JAKMIP1: variants seen among roughly 807,000 people sequenced by gnomAD.
JAKMIP1 encodes janus kinase and microtubule-interacting protein 1.
Under a neutral mutation model 113.0 loss-of-function variants are expected in JAKMIP1, and 33 were observed. The observed-to-expected ratio is 0.29, with a 90% CI of 0.22 to 0.39. JAKMIP1 has a LOEUF of 0.39. Ranked by LOEUF, JAKMIP1 falls within the 10% of genes least tolerant of loss-of-function variation. The pLI is 1.00. For synonymous variants in JAKMIP1, 480 were observed against 459.9 expected, an observed-to-expected ratio of 1.04 and a Z score of -0.56; for missense variants, 813 against 1,080.5, an observed-to-expected ratio of 0.75 and a Z score of 3.47.
intron 2 of JAKMIP1, among the ~76,000 whole-genome samples, chr4:6,111,118 G>C (rs1321932688): frequency 6.6e-6 from 1 of 151,822 alleles, no homozygotes; most frequent in Non-Finnish European, 1.5e-5. Context: ...ATCCTGAGCT[G>C]GGGTTGCAGC....
intron 1 of JAKMIP1, among the ~76,000 whole-genome samples, chr4:6,131,333 G>T (rs1320736818): frequency 6.8e-6 from 1 of 146,730 alleles, no homozygotes; most frequent in African/African-American, 2.6e-5. Context: ...CACAGATCCA[G>T]GAAGCTCAGA....
Position 6,108,130 on chromosome 4 carries a change from CAGAG to C in JAKMIP1, c.130-2167_130-2164del, listed in dbSNP as rs1030282852. 3.3e-5 allele frequency among the ~76,000 whole-genome samples: 5 copies of C among 152,074 alleles called. No individual in the cohort carries two copies. The highest frequency in any genetic ancestry group is 5.9e-5 in the Non-Finnish European group (4 of 68,002). On this transcript the variant is annotated intron_variant, in intron 2 of 20. Transcript: ENST00000409021. The surrounding 1 kb of genome is among the most constrained non-coding windows in gnomAD (Gnocchi z 5.6). ...CAGGTGTGTAGGGCAGGGATGGTGA[CAGAG>C]AGGCAGGGGCCTGGGGACAGGGCCC... is the stretch of plus-strand genomic sequence containing the variant.
chr4:6,172,557 G>A (rs533419133), intron 1 of JAKMIP1, among the ~76,000 whole-genome samples: 22 of 151,954 alleles, frequency 1.4e-4, no homozygotes, highest in South Asian at 8.3e-4. Flanking sequence ...GGTAGCTCAC[G>A]GCCATCTCAT....
chr4:6,056,859 T>C lies in JAKMIP1; in HGVS notation c.1645-100A>G, dbSNP rs189019554. On this transcript the variant is annotated intron_variant, in intron 11 of 20. Transcript: ENST00000409021. ...AGGTCACTTTCTATGAAACTGACCA[T>C]GGAAAGGTCATAAAAAATGACAGCC... The C allele has an allele frequency of 5.6e-5, 47 of 833,766 alleles. No individual in the cohort carries two copies. In the Middle Eastern group the frequency reaches 6.6e-4, roughly 12 times the overall value. The allele number at this position is 833,766 out of a possible 1,614,324, so 51.6% of individuals were successfully genotyped here. A position where few individuals can be genotyped will look rare whatever the true frequency, so the allele number is the denominator to read the frequency against.
At chr4:6,091,674 C>T (rs1021332421) in intron 3 of JAKMIP1, among the ~76,000 whole-genome samples, 1 of 152,182 alleles carries the variant, frequency 6.6e-6, no homozygotes, top group African/African-American at 2.4e-5. Context: ...AACCCATGAA[C>T]ATACGTGATT....
At chr4:6,100,352 C>A (rs982203281) in intron 3 of JAKMIP1, among the ~76,000 whole-genome samples, 1 of 152,176 alleles carries the variant, frequency 6.6e-6, no homozygotes, top group Non-Finnish European at 1.5e-5. Flanking sequence ...TTGTGTCTAG[C>A]TTCTATCATT....
chr4:6,199,165 T>C lies in JAKMIP1; in HGVS notation c.-148+1088A>G, dbSNP rs749602327. ...TGGCAAAGGCCAAGGACAGTGTGCC[T>C]GCGAGTGTGCGCAGATGGGGCGGGC... On this transcript the variant is annotated intron_variant, in intron 1 of 20. Transcript: ENST00000409021. This position sits in a 1 kb window ranked among gnomAD's most constrained non-coding sequence, Gnocchi z 5.6. Among the ~76,000 whole-genome samples, 37 of 152,236 alleles carry C rather than the reference T, an allele frequency of 2.4e-4. No individual in the cohort carries two copies. The highest frequency in any genetic ancestry group is 3.7e-4 in the Non-Finnish European group (25 of 68,024).
At position 6,081,982 on chromosome 4, in the gene JAKMIP1, G is replaced by C. The variant is rs1023318276; in HGVS notation, c.955-227C>G. Among the ~76,000 whole-genome samples the C allele has an allele frequency of 2.0e-5, 3 of 152,184 alleles. No individual in the cohort carries two copies. The highest frequency in any genetic ancestry group is 7.2e-5 in the African/African-American group (3 of 41,450). On this transcript the variant is annotated intron_variant, in intron 5 of 20. Transcript: ENST00000409021. The surrounding 1 kb of genome is among the most constrained non-coding windows in gnomAD (Gnocchi z 4.6). ...AGCTCCTGTCTCCTAGGCACATGGT[G>C]AGAATTGAATGCATAGTGGTAGTCT...
At chr4:6,177,708 C>T (rs1380559095) in intron 1 of JAKMIP1, among the ~76,000 whole-genome samples, 1 of 152,192 alleles carries the variant, frequency 6.6e-6, no homozygotes, top group Non-Finnish European at 1.5e-5. Context: ...CATAGCCATA[C>T]TAATAATGGC....
At chr4:6,174,643 T>C (rs1300909507) in intron 1 of JAKMIP1, among the ~76,000 whole-genome samples, 3 of 152,112 alleles carry the variant, frequency 2.0e-5, no homozygotes, top group Non-Finnish European at 4.4e-5. Flanking sequence ...TCCCCATCTC[T>C]AGAGCCTTAA....
At chr4:6,127,798 C>G (rs951515575) in intron 1 of JAKMIP1, among the ~76,000 whole-genome samples, 7 of 152,240 alleles carry the variant, frequency 4.6e-5, no homozygotes, top group African/African-American at 1.7e-4. Flanking sequence ...CCCTTGGCAG[C>G]TCTCACTTCA....
chr4:6,051,932 G>A lies in JAKMIP1; in HGVS notation c.1807-1253C>T, dbSNP rs6849458. ...AAATCAAACTGCTTTAGTTTGAGCAGAGTTACGGTAAGGTAAAAAATAACA... is the reference window on the plus strand; with the variant it reads ...AAATCAAACTGCTTTAGTTTGAGCAAAGTTACGGTAAGGTAAAAAATAACA... On this transcript the variant is annotated intron_variant, in intron 13 of 20. Coordinates refer to ENST00000409021, the MANE Select transcript of JAKMIP1 (RefSeq NM_001099433.2). This position sits in a 1 kb window ranked among gnomAD's most constrained non-coding sequence, Gnocchi z 5.0. Among the ~76,000 whole-genome samples the A allele has an allele frequency of 0.2, 30,033 of 152,116 alleles. 4,953 individuals carry two copies. Among genetic ancestry groups the A allele is most frequent in the African/African-American group, 0.45 (18,754 of 41,438 alleles).
chr4:6,060,428 C>T lies in JAKMIP1; in HGVS notation c.1640G>A (p.Gly547Glu). Reference sequence around the variant, plus strand: ...GCACAGATCACTCCTGCTCACCTGTCCCTTCTCAACCAGTAACTTCTCCAA... The same window carrying T: ...GCACAGATCACTCCTGCTCACCTGTTCCTTCTCAACCAGTAACTTCTCCAA... ...EDLEKLLVEK[G>E]QDSKWVEEKQ... The change falls in exon 11 of 21, where the codon GGA becomes GAA. Residue 547 changes from glycine (G) to glutamate (E), a missense_variant. Around this residue, in one of 2 missense-constraint regions of JAKMIP1, gnomAD observed 273 missense variants for 426.6 expected, o/e 0.64. Coordinates refer to ENST00000409021, the MANE Select transcript of JAKMIP1 (RefSeq NM_001099433.2). The T allele has an allele frequency of 6.2e-7, 1 of 1,611,572 alleles. No individual in the cohort carries two copies. Among genetic ancestry groups the T allele is most frequent in the Non-Finnish European group, 8.5e-7 (1 of 1,177,570 alleles).
intron 10 of JAKMIP1, among the ~76,000 whole-genome samples, chr4:6,060,864 C>T (rs1254961761): frequency 1.3e-5 from 2 of 152,256 alleles, no homozygotes; most frequent in East Asian, 3.8e-4. Flanking sequence ...AAGTCCAATC[C>T]TTACTGAACC....
At position 6,186,838 on chromosome 4, in the gene JAKMIP1, G is replaced by C. The variant is rs1313290247; in HGVS notation, c.-148+13415C>G. Reference sequence around the variant, plus strand: ...TTCACTTCTGTCAGGTTTTTTGTTTGTTTGTTTGAGACAGTCTCTCACTCT... The same window carrying C: ...TTCACTTCTGTCAGGTTTTTTGTTTCTTTGTTTGAGACAGTCTCTCACTCT... On this transcript the variant is annotated intron_variant, in intron 1 of 20. Transcript: ENST00000409021. The surrounding 1 kb of genome is among the most constrained non-coding windows in gnomAD (Gnocchi z 5.5). Among the ~76,000 whole-genome samples the C allele has an allele frequency of 1.3e-5, 2 of 151,838 alleles. No homozygotes were observed. Among genetic ancestry groups the C allele is most frequent in the East Asian group, 3.9e-4 (2 of 5,190 alleles).
In JAKMIP1 at chr4:6,153,919, G is replaced by A. The variant is rs894446545; in HGVS notation, c.-147-40922C>T. ...CTGAGAAATGCGGAACCAGCTACCC[G>A]CTCCCTGAGGCCCCTTTTGGCTGGG... is the stretch of plus-strand genomic sequence containing the variant. On this transcript the variant is annotated intron_variant, in intron 1 of 20. Transcript: ENST00000409021. The surrounding 1 kb of genome is among the most constrained non-coding windows in gnomAD (Gnocchi z 4.9). 5.3e-5 allele frequency among the ~76,000 whole-genome samples: 8 copies of A among 152,206 alleles called. No individual in the cohort carries two copies. The highest frequency in any genetic ancestry group is 2.1e-4 in the South Asian group (1 of 4,828).
At chr4:6,054,984 A>T (rs945702951) in intron 12 of JAKMIP1, among the ~76,000 whole-genome samples, 1 of 152,134 alleles carries the variant, frequency 6.6e-6, no homozygotes, top group Non-Finnish European at 1.5e-5. Context: ...AGATGCTAAA[A>T]TTCTCCCGAG....
intron 1 of JAKMIP1, among the ~76,000 whole-genome samples, chr4:6,161,068 T>C (rs535747297): frequency 7.4e-5 from 10 of 135,224 alleles, no homozygotes; most frequent in African/African-American, 2.3e-4. Flanking sequence ...TCACCTCCTC[T>C]GATCTCCACT....
At chr4:6,092,960 G>A (rs1364854910) in intron 3 of JAKMIP1, among the ~76,000 whole-genome samples, 1 of 152,168 alleles carries the variant, frequency 6.6e-6, no homozygotes, top group Non-Finnish European at 1.5e-5. Flanking sequence ...TCCAGTACTT[G>A]ACAACAGGAT....
Sources: gnomAD v4.1 joint callset for allele counts (sites outside exome capture counted in the v4.1 genomes callset) on GRCh38, gnomAD v4.1.1 for gene constraint, gnomAD v4.1.1 regional missense constraint, Gnocchi (gnomAD v3.1) non-coding constraint, MANE v1.5 for transcripts, NCBI Gene and HGNC (gene_info 2026-07-23, HGNC 2026-07-21) for gene names.